Variants in PTPRM observed in about 807,000 individuals in gnomAD.
The protein encoded by PTPRM is receptor-type tyrosine-protein phosphatase mu.
In PTPRM, 47 loss-of-function variants were observed where a neutral mutation model predicts 186.7. The ratio of observed to expected loss-of-function variants is 0.25; its 90% CI spans 0.20 to 0.32. PTPRM has a LOEUF of 0.32. Ranked by LOEUF, PTPRM falls within the 10% of genes least tolerant of loss-of-function variation. PTPRM has a pLI of 1.00. For missense variants in PTPRM, 1,494 were observed against 1,865.0 expected (o/e 0.80, Z 3.66); for synonymous variants, 668 against 674.9 (o/e 0.99, Z 0.16).
At chr18:8,049,546 G>T (rs1046553189) in intron 7 of PTPRM, 1 of 152,102 alleles carries the variant, frequency 6.6e-6, no homozygotes, top group Non-Finnish European at 1.5e-5. Flanking sequence ...TACCAAATAT[G>T]TTGATTAACA....
At chr18:7,975,159 C>G (rs1341000037) in intron 7 of PTPRM, among the ~76,000 whole-genome samples, 1 of 152,162 alleles carries the variant, frequency 6.6e-6, no homozygotes, top group Non-Finnish European at 1.5e-5. Flanking sequence ...TTATTTGTTG[C>G]TGGTGAAAAT....
At chr18:7,812,036 G>A (rs117697835) in intron 2 of PTPRM, among the ~76,000 whole-genome samples, 347 of 152,222 alleles carry the variant, frequency 2.3e-3, no homozygotes, top group Non-Finnish European at 3.7e-3. Context: ...CAAGGCTCTT[G>A]TGCACTGATT....
chr18:7,901,992 G>A (rs1489150598), intron 3 of PTPRM, among the ~76,000 whole-genome samples: 2 of 152,170 alleles, frequency 1.3e-5, no homozygotes, highest in Non-Finnish European at 2.9e-5. Flanking sequence ...CTTCAAACTT[G>A]TGACACAAAT....
intron 1 of PTPRM, among the ~76,000 whole-genome samples, chr18:7,673,290 T>G (rs1438449148): frequency 6.6e-6 from 1 of 152,170 alleles, no homozygotes; most frequent in Admixed American, 6.6e-5. Flanking sequence ...GGAATATACA[T>G]CAGAAGACAA....
intron 23 of PTPRM, among the ~76,000 whole-genome samples, chr18:8,353,594 A>C (rs1335600866): frequency 6.6e-6 from 1 of 152,084 alleles, no homozygotes; most frequent in Non-Finnish European, 1.5e-5. Context: ...TACCACTGTG[A>C]CTTGGGTTGC....
At chr18:8,234,473 C>G (rs1311484249) in intron 14 of PTPRM, among the ~76,000 whole-genome samples, 1 of 152,088 alleles carries the variant, frequency 6.6e-6, no homozygotes, top group Non-Finnish European at 1.5e-5. Flanking sequence ...GTACTAGGAG[C>G]TAATTTTGTT....
intron 7 of PTPRM, among the ~76,000 whole-genome samples, chr18:7,989,465 G>A (rs2083144771): frequency 6.6e-6 from 1 of 152,132 alleles, no homozygotes; most frequent in Non-Finnish European, 1.5e-5. Context: ...TGAGCAGGAC[G>A]TGTAAGCATA....
At chr18:8,274,830 C>G (rs1471777053) in intron 19 of PTPRM, among the ~76,000 whole-genome samples, 1 of 152,168 alleles carries the variant, frequency 6.6e-6, no homozygotes, top group Non-Finnish European at 1.5e-5. Context: ...TTGTCAAGAG[C>G]TTGCATGCAT....
chr18:7,673,960 G>T (rs2039276652), intron 1 of PTPRM, among the ~76,000 whole-genome samples: 1 of 152,178 alleles, frequency 6.6e-6, no homozygotes, highest in South Asian at 2.1e-4. Flanking sequence ...TGAGGAAGGG[G>T]AGAAGAGTAC....
chr18:7,650,118 T>C (rs562280509), intron 1 of PTPRM, among the ~76,000 whole-genome samples: 2 of 152,290 alleles, frequency 1.3e-5, no homozygotes, highest in South Asian at 2.1e-4. Context: ...ATTCAGGGGA[T>C]GCAGAGCTCT....
At chr18:7,807,444 T>C (rs1046980746) in intron 2 of PTPRM, among the ~76,000 whole-genome samples, 9 of 152,216 alleles carry the variant, frequency 5.9e-5, no homozygotes, top group African/African-American at 2.2e-4. Flanking sequence ...TTAAGAAGCT[T>C]GTTCTTGCCC....
At chr18:8,210,463 A>G (rs1488098154) in intron 14 of PTPRM, among the ~76,000 whole-genome samples, 2 of 152,188 alleles carry the variant, frequency 1.3e-5, no homozygotes, top group Non-Finnish European at 2.9e-5. Context: ...TGAAAGAACA[A>G]GGAATTGTCC....
intron 4 of PTPRM, among the ~76,000 whole-genome samples, chr18:7,926,284 G>A (rs933405788): frequency 2.0e-5 from 3 of 152,038 alleles, no homozygotes; most frequent in East Asian, 1.9e-4. Flanking sequence ...GAAGACTGCC[G>A]AGCTATGATA....
intron 23 of PTPRM, among the ~76,000 whole-genome samples, chr18:8,357,217 T>A (rs941665387): frequency 6.6e-6 from 1 of 152,238 alleles, no homozygotes; most frequent in Non-Finnish European, 1.5e-5. Flanking sequence ...GGATCTGGAA[T>A]GGAATGTTGC....
chr18:8,340,239 T>G (rs911390409), intron 22 of PTPRM, among the ~76,000 whole-genome samples: 3 of 152,210 alleles, frequency 2.0e-5, no homozygotes, highest in Admixed American at 2.0e-4. Context: ...TGTCTCTGCC[T>G]GTACTTTTTT....
intron 7 of PTPRM, among the ~76,000 whole-genome samples, chr18:7,977,557 A>G (rs1568115315): frequency 6.6e-6 from 1 of 152,168 alleles, no homozygotes; most frequent in East Asian, 1.9e-4. Flanking sequence ...TAGTTGTCCA[A>G]CATAAGAAAG....
At chr18:7,823,249 T>G (rs555060554) in intron 2 of PTPRM, among the ~76,000 whole-genome samples, 1 of 152,282 alleles carries the variant, frequency 6.6e-6, no homozygotes, top group South Asian at 2.1e-4. Context: ...CACTGTGGTG[T>G]TTCCCTGGGT....
intron 7 of PTPRM, among the ~76,000 whole-genome samples, chr18:8,002,187 G>A (rs1407292877): frequency 1.3e-5 from 2 of 152,046 alleles, no homozygotes; most frequent in African/African-American, 4.8e-5. Flanking sequence ...AGACATTTAG[G>A]TGTCTGGATG....
intron 4 of PTPRM, among the ~76,000 whole-genome samples, chr18:7,909,507 G>A (rs2050157826): frequency 6.6e-6 from 1 of 152,134 alleles, no homozygotes; most frequent in South Asian, 2.1e-4. Context: ...TGCAAATAAA[G>A]ATTTTAAAGA....
Sources: allele counts gnomAD v4.1 joint callset (sites outside exome capture counted in the v4.1 genomes callset), GRCh38; gene constraint gnomAD v4.1.1; transcripts MANE v1.5; gene names NCBI Gene and HGNC (gene_info 2026-07-23, HGNC 2026-07-21).